Variants in RORA observed in about 807,000 individuals in gnomAD.
RORA encodes the protein nuclear receptor ROR-alpha.
A neutral mutation model predicts 69.5 loss-of-function variants in RORA; 7 were observed. That is an observed-to-expected ratio of 0.10 (90% CI 0.06 to 0.19). The LOEUF (loss-of-function observed/expected upper bound fraction) is 0.19. Ranked by LOEUF, RORA falls within the 10% of genes least tolerant of loss-of-function variation. RORA has a pLI of 1.00. For missense variants in RORA, 457 were observed against 663.0 expected, an observed-to-expected ratio of 0.69 and a Z score of 3.41; for synonymous variants, 261 against 240.8, an observed-to-expected ratio of 1.08 and a Z score of -0.78.
intron 2 of RORA, among the ~76,000 whole-genome samples, chr15:60,551,758 C>A (rs906802055): frequency 3.3e-5 from 5 of 152,192 alleles, no homozygotes; most frequent in African/African-American, 4.8e-5. Flanking sequence ...ACAAATCAAA[C>A]CCCTTTCTTT....
At chr15:60,787,387 A>G (rs2072351828) in intron 1 of RORA, among the ~76,000 whole-genome samples, 1 of 152,240 alleles carries the variant, frequency 6.6e-6, no homozygotes, top group Non-Finnish European at 1.5e-5. Flanking sequence ...TAACTGTGGC[A>G]TTTCTTCACA....
At chr15:60,499,230 T>C (rs1407734493) in intron 10 of RORA, among the ~76,000 whole-genome samples, 1 of 152,158 alleles carries the variant, frequency 6.6e-6, no homozygotes, top group African/African-American at 2.4e-5. Flanking sequence ...TATAACTTCT[T>C]CCTAAATTCA....
intron 1 of RORA, among the ~76,000 whole-genome samples, chr15:61,135,453 C>CACAAACT (rs2140853051): frequency 6.6e-6 from 1 of 152,034 alleles, no homozygotes; most frequent in African/African-American, 2.4e-5. Flanking sequence ...CAAGTGCAGA[C>CACAAACT]ACAAACTACC....
chr15:60,576,499 G>A (rs2068029884), intron 2 of RORA, among the ~76,000 whole-genome samples: 1 of 152,216 alleles, frequency 6.6e-6, no homozygotes, highest in Non-Finnish European at 1.5e-5. Context: ...TGCCAACAAA[G>A]TGATTATAAA....
rs200434440 is a variant in RORA at position 60,838,887 on chromosome 15, CATATACT to C, written c.167-160208_167-160202del. Reference sequence around the variant, plus strand: ...ACACACACACACACACACACACACACATATACTTTTTTTTTTTTTCAGAGGGTGTCTC... The same window carrying C: ...ACACACACACACACACACACACACACTTTTTTTTTTTTCAGAGGGTGTCTC... On this transcript the variant is annotated intron_variant, in intron 1 of 10. Coordinates refer to ENST00000335670, the MANE Select transcript of RORA (RefSeq NM_134261.3). Among the ~76,000 whole-genome samples the C allele has an allele frequency of 6.6e-3, 279 of 42,130 alleles. 2 individuals are homozygous for C. The highest frequency in any genetic ancestry group is 0.013 in the Non-Finnish European group (177 of 13,444). 27.6% of individuals were successfully genotyped at this position (42,130 alleles called of 152,430 possible). A position where few individuals can be genotyped will look rare whatever the true frequency, so the allele number is the denominator to read the frequency against.
intron 1 of RORA, among the ~76,000 whole-genome samples, chr15:60,753,894 TAACA>T (rs1443680105): frequency 2.0e-5 from 3 of 152,218 alleles, no homozygotes; most frequent in Non-Finnish European, 2.9e-5. Flanking sequence ...TTGATCCTTG[TAACA>T]GCATCACGAT....
Position 61,053,097 on chromosome 15 carries a change from T to C in RORA, c.166+175956A>G, listed in dbSNP as rs74020827. 3.2e-3 allele frequency among the ~76,000 whole-genome samples: 495 copies of C among 152,342 alleles called. 3 individuals carry two copies. Among genetic ancestry groups the C allele is most frequent in the African/African-American group, 0.011 (466 of 41,572 alleles). Reference sequence around the variant, plus strand: ...CTTTTGTCCCTGTAACAACCAATGCTGTGTTATCAGGAAGAGATAAAACCA... The same window carrying C: ...CTTTTGTCCCTGTAACAACCAATGCCGTGTTATCAGGAAGAGATAAAACCA... On this transcript the variant is annotated intron_variant, in intron 1 of 10. Coordinates refer to ENST00000335670, the MANE Select transcript of RORA (RefSeq NM_134261.3).
At chr15:60,978,669 C>T (rs1893944535) in intron 1 of RORA, among the ~76,000 whole-genome samples, 2 of 152,042 alleles carry the variant, frequency 1.3e-5, no homozygotes, top group Non-Finnish European at 2.9e-5. Context: ...ACATTTAAAT[C>T]TTTCATCTAT....
intron 1 of RORA, among the ~76,000 whole-genome samples, chr15:60,690,432 A>G (rs1337399568): frequency 6.6e-6 from 1 of 152,212 alleles, no homozygotes; most frequent in Admixed American, 6.5e-5. Flanking sequence ...CATGTGGGCA[A>G]GGCCACCTTT....
At chr15:60,840,634 T>G (rs1431468506) in intron 1 of RORA, among the ~76,000 whole-genome samples, 2 of 152,238 alleles carry the variant, frequency 1.3e-5, no homozygotes, top group African/African-American at 4.8e-5. Flanking sequence ...AGAGGGACAC[T>G]GCATGTGTCC....
intron 1 of RORA, among the ~76,000 whole-genome samples, chr15:61,001,199 AT>A (rs1184894809): frequency 1.3e-5 from 2 of 152,212 alleles, no homozygotes; most frequent in Admixed American, 6.5e-5. Context: ...GATAAACACA[AT>A]AGTTACCAAT....
At chr15:61,095,639 G>A (rs2140730703) in intron 1 of RORA, among the ~76,000 whole-genome samples, 1 of 152,288 alleles carries the variant, frequency 6.6e-6, no homozygotes, top group African/African-American at 2.4e-5. Flanking sequence ...TAGAGGTTTT[G>A]AGCACTTTTT....
At chr15:61,223,617 T>C (rs572958847) in intron 1 of RORA, among the ~76,000 whole-genome samples, 2 of 152,326 alleles carry the variant, frequency 1.3e-5, no homozygotes, top group East Asian at 1.9e-4. Flanking sequence ...TAATGTACAA[T>C]TGGAATTCAT....
chr15:60,698,470 G>A (rs2070935882), intron 1 of RORA, among the ~76,000 whole-genome samples: 1 of 152,074 alleles, frequency 6.6e-6, no homozygotes, highest in African/African-American at 2.4e-5. Context: ...TGTAGGACAT[G>A]TAGAAAAAAA....
intron 1 of RORA, among the ~76,000 whole-genome samples, chr15:61,074,557 T>C (rs1027879462): frequency 6.6e-6 from 1 of 152,214 alleles, no homozygotes; most frequent in Non-Finnish European, 1.5e-5. Flanking sequence ...GATTCTGACT[T>C]TGAAATGCTG....
At chr15:60,888,910 G>A (rs1257769931) in intron 1 of RORA, among the ~76,000 whole-genome samples, 3 of 145,644 alleles carry the variant, frequency 2.1e-5, no homozygotes, top group Admixed American at 6.8e-5. Context: ...TTCCTGCTCC[G>A]AGGAGTGGGA....
At chr15:60,659,483 C>A (rs979294745) in intron 2 of RORA, among the ~76,000 whole-genome samples, 6 of 152,160 alleles carry the variant, frequency 3.9e-5, no homozygotes, top group Non-Finnish European at 5.9e-5. Flanking sequence ...AATGCTTGCA[C>A]CTTTTCGCTA....
At chr15:60,814,357 G>A (rs1028591091) in intron 1 of RORA, among the ~76,000 whole-genome samples, 1 of 152,222 alleles carries the variant, frequency 6.6e-6, no homozygotes, top group African/African-American at 2.4e-5. Flanking sequence ...GGTGGAAGTG[G>A]GAGAGGCGAA....
chr15:61,133,229 T>C, intron 1 of RORA, among the ~76,000 whole-genome samples: 1 of 152,184 alleles, frequency 6.6e-6, no homozygotes, highest in East Asian at 1.9e-4. Context: ...ATATATATAA[T>C]GTTCTGCATG....
Sources: gnomAD v4.1 joint callset for allele counts (sites outside exome capture counted in the v4.1 genomes callset) on GRCh38, gnomAD v4.1.1 for gene constraint, MANE v1.5 for transcripts, NCBI Gene and HGNC (gene_info 2026-07-23, HGNC 2026-07-21) for gene names.